The following DMD variants were observed in gnomAD, a reference collection of about 807,000 sequenced individuals.
The protein encoded by DMD is mutant dystrophin.
In DMD, 63 loss-of-function variants were observed where a neutral mutation model predicts 330.1. That is an observed-to-expected ratio of 0.19 (90% CI 0.16 to 0.24). DMD has a LOEUF of 0.24. Among genes scored for constraint, DMD ranks in the 10% least tolerant of loss-of-function variants. The pLI, the probability that DMD is intolerant of heterozygous loss-of-function variation, is 1.00. For missense variants in DMD, 3,344 were observed against 2,684.1 expected (o/e 1.25, Z -5.43); for synonymous variants, 1,223 against 959.8 (o/e 1.27, Z -5.07).
At chrX:31,246,018 G>A (rs1013440121) in intron 63 of DMD, among the ~76,000 whole-genome samples, 1 of 112,258 alleles carries the variant, frequency 8.9e-6, no homozygotes, top group Admixed American at 9.5e-5. Flanking sequence ...TGAAAGCTAG[G>A]CCTCTCATGC....
intron 7 of DMD, among the ~76,000 whole-genome samples, chrX:32,799,476 A>T (rs897502486): frequency 2.7e-5 from 3 of 111,549 alleles, no homozygotes; most frequent in African/African-American, 9.8e-5. Flanking sequence ...TTCAAAAGAC[A>T]TCTAGAACAG....
At chrX:33,048,323 G>A (rs1244621572) in intron 1 of DMD, among the ~76,000 whole-genome samples, 2 of 111,526 alleles carry the variant, frequency 1.8e-5, no homozygotes, top group Non-Finnish European at 3.8e-5. Flanking sequence ...GCCTTACGTA[G>A]TCGTAACTAC....
intron 34 of DMD, among the ~76,000 whole-genome samples, chrX:32,368,053 G>A (rs2097860470): frequency 9.0e-6 from 1 of 111,604 alleles, no homozygotes. Context: ...TCCCTCAAAT[G>A]TGTTTTTAAT....
intron 2 of DMD, among the ~76,000 whole-genome samples, chrX:32,949,097 C>A (rs958445735): frequency 9.0e-6 from 1 of 110,779 alleles, no homozygotes; most frequent in Non-Finnish European, 1.9e-5. Context: ...TTAAGTATTT[C>A]TATAGTGCCT....
At chrX:32,722,035 T>G (rs2066373837) in intron 7 of DMD, among the ~76,000 whole-genome samples, 1 of 110,763 alleles carries the variant, frequency 9.0e-6, no homozygotes, top group Admixed American at 9.7e-5. Flanking sequence ...TTTATGGCAT[T>G]ACAATACTCT....
At chrX:31,316,479 A>G (rs2056022627) in intron 62 of DMD, among the ~76,000 whole-genome samples, 1 of 111,774 alleles carries the variant, frequency 8.9e-6, no homozygotes, top group Non-Finnish European at 1.9e-5. Context: ...TTATGAAACT[A>G]CAAAAAAGGA....
At chrX:32,742,684 G>T (rs1400143962) in intron 7 of DMD, among the ~76,000 whole-genome samples, 3 of 111,692 alleles carry the variant, frequency 2.7e-5, no homozygotes, top group Non-Finnish European at 5.6e-5. Flanking sequence ...AAATTATGAA[G>T]ATACAAGGCA....
chrX:32,944,888 G>T (rs779756905), intron 2 of DMD, among the ~76,000 whole-genome samples: 1 of 111,033 alleles, frequency 9.0e-6, no homozygotes, highest in African/African-American at 3.3e-5. Flanking sequence ...TTACAGGCGT[G>T]AGACACCGCA....
chrX:32,932,164 T>C (rs1325118701), intron 2 of DMD, among the ~76,000 whole-genome samples: 2 of 112,333 alleles, frequency 1.8e-5, no homozygotes, highest in Non-Finnish European at 3.8e-5. Flanking sequence ...CTTATTGATA[T>C]GGCTACAATA....
intron 2 of DMD, among the ~76,000 whole-genome samples, chrX:32,869,041 A>G (rs1346887191): frequency 1.8e-5 from 2 of 111,592 alleles, no homozygotes; most frequent in African/African-American, 6.5e-5. Flanking sequence ...GAGATACTAG[A>G]GGAAGGAGCA....
At chrX:33,287,526 T>C (rs67325414) in intron 1 of DMD, among the ~76,000 whole-genome samples, 1 of 111,491 alleles carries the variant, frequency 9.0e-6, no homozygotes, top group Non-Finnish European at 1.9e-5. Context: ...ATATTTATTA[T>C]ATTTTTACAC....
intron 18 of DMD, among the ~76,000 whole-genome samples, chrX:32,514,697 C>A (rs1370519678): frequency 8.9e-6 from 1 of 112,394 alleles, no homozygotes; most frequent in Non-Finnish European, 1.9e-5. Context: ...GCCGAGATCG[C>A]GCCACTGCAC....
intron 7 of DMD, among the ~76,000 whole-genome samples, chrX:32,733,070 C>T (rs1162990584): frequency 1.7e-4 from 18 of 108,206 alleles, no homozygotes; most frequent in Non-Finnish European, 3.3e-4. Context: ...GGAGGAAGAT[C>T]TACCAAGCAA....
Position 32,572,556 on chromosome X carries a change from T to TG in DMD, c.1812+973_1812+974insC, listed in dbSNP as rs1304700661. Among the ~76,000 whole-genome samples the TG allele has an allele frequency of 4.5e-5, 5 of 110,262 alleles. No homozygotes were observed. The East Asian group carries it at 1.4e-3, about 31-fold the overall frequency. Reference sequence around the variant, plus strand: ...GAGTAAGAGAAACTTTAGAGTTTTTTTTTTTTTTTTTAAATCTTGGAAATT... The same window carrying TG: ...GAGTAAGAGAAACTTTAGAGTTTTTTGTTTTTTTTTTTAAATCTTGGAAATT... On this transcript the variant is annotated intron_variant, in intron 15 of 78. Transcript: ENST00000357033.
chrX:32,207,755 G>A (rs1189109766), intron 44 of DMD, among the ~76,000 whole-genome samples: 2 of 111,622 alleles, frequency 1.8e-5, no homozygotes, highest in Non-Finnish European at 3.8e-5. Flanking sequence ...TTAATCATAT[G>A]TTCATAAGCC....
At chrX:31,944,208 T>C (rs995621432) in intron 45 of DMD, among the ~76,000 whole-genome samples, 2 of 104,103 alleles carry the variant, frequency 1.9e-5, no homozygotes, top group African/African-American at 7.6e-5. Context: ...AGATGTTATT[T>C]GACTTTTTCC....
intron 53 of DMD, among the ~76,000 whole-genome samples, chrX:31,675,527 T>A (rs1275922386): frequency 9.0e-6 from 1 of 110,714 alleles, no homozygotes; most frequent in Admixed American, 9.6e-5. Context: ...CACGCCAGGC[T>A]AGTTTTTGTA....
At chrX:32,502,702 T>C (rs1008505494) in intron 18 of DMD, among the ~76,000 whole-genome samples, 2 of 112,443 alleles carry the variant, frequency 1.8e-5, no homozygotes, top group Non-Finnish European at 1.9e-5. Flanking sequence ...AATCATATTA[T>C]AACAAAGATT....
At chrX:32,274,023 A>G (rs1303273848) in intron 43 of DMD, among the ~76,000 whole-genome samples, 1 of 111,938 alleles carries the variant, frequency 8.9e-6, no homozygotes, top group African/African-American at 3.2e-5. Flanking sequence ...TATTCCAGGT[A>G]GAGAAAAAAT....
Sources: allele counts gnomAD v4.1 joint callset (sites outside exome capture counted in the v4.1 genomes callset), GRCh38; gene constraint gnomAD v4.1.1; transcripts MANE v1.5; gene names NCBI Gene and HGNC (gene_info 2026-07-23, HGNC 2026-07-21).